Variants in DOCK3 observed in about 807,000 individuals in gnomAD.
DOCK3 encodes the protein dedicator of cytokinesis 3.
DOCK3 carries 60 observed loss-of-function variants against 265.6 expected under a neutral mutation model. That is an observed-to-expected ratio of 0.23 (90% confidence interval 0.18 to 0.28). The LOEUF (loss-of-function observed/expected upper bound fraction) is 0.28, where lower values mean the gene tolerates loss of function less well. DOCK3 is among the 10% of genes least tolerant of loss of function. The probability of loss-of-function intolerance (pLI) is 1.00; values close to 1 mark genes in which losing one functional copy is unlikely to be tolerated. For synonymous variants in DOCK3, 881 were observed against 938.0 expected, an observed-to-expected ratio of 0.94 and a Z score of 1.11; for missense variants, 1,981 against 2,594.3, an observed-to-expected ratio of 0.76 and a Z score of 5.14.
intron 3 of DOCK3, among the ~76,000 whole-genome samples, chr3:50,869,986 C>T (rs1198765928): frequency 2.6e-5 from 4 of 151,962 alleles, no homozygotes; most frequent in Non-Finnish European, 5.9e-5. Context: ...AAAGAAGATG[C>T]TTAATATTGT....
At chr3:51,078,650 T>C (rs2082129601) in intron 7 of DOCK3, among the ~76,000 whole-genome samples, 1 of 152,182 alleles carries the variant, frequency 6.6e-6, no homozygotes, top group African/African-American at 2.4e-5. Context: ...TCTGAGGGAA[T>C]ATAACATTCA....
chr3:50,750,498 T>A lies in DOCK3; in HGVS notation c.38-28177T>A, dbSNP rs188497500. Among the ~76,000 whole-genome samples the A allele has an allele frequency of 8.6e-5, 13 of 151,940 alleles. No individual in the cohort carries two copies. In the East Asian group the frequency reaches 2.3e-3, roughly 27 times the overall value. ...GCGCCTGCCACCACGCCCAGCTAAT[T>A]TTTGTATTTTTAGTAGAGACGGGGT... On this transcript the variant is annotated intron_variant, in intron 1 of 52. Transcript: ENST00000266037.
intron 5 of DOCK3, among the ~76,000 whole-genome samples, chr3:50,944,133 T>A (rs931709453): frequency 1.3e-5 from 2 of 152,214 alleles, no homozygotes; most frequent in African/African-American, 4.8e-5. Context: ...ATGGACACAA[T>A]GAAATGGACT....
At chr3:50,913,016 G>T (rs1365850820) in intron 4 of DOCK3, among the ~76,000 whole-genome samples, 1 of 152,040 alleles carries the variant, frequency 6.6e-6, no homozygotes, top group African/African-American at 2.4e-5. Context: ...TTTCTCAAGC[G>T]GAAGTCTTGC....
At chr3:51,141,175 A>T (rs2085044450) in intron 9 of DOCK3, among the ~76,000 whole-genome samples, 1 of 127,792 alleles carries the variant, frequency 7.8e-6, no homozygotes, top group Non-Finnish European at 1.6e-5. Context: ...ATGAGAATTT[A>T]TACCTATATT....
intron 5 of DOCK3, among the ~76,000 whole-genome samples, chr3:51,029,523 CAG>C (rs754751775): frequency 2.6e-5 from 4 of 152,306 alleles, no homozygotes; most frequent in South Asian, 2.1e-4. Flanking sequence ...GGGAGGGGAA[CAG>C]GGGGAAAGAG....
chr3:51,354,805 G>GTAGC, intron 40 of DOCK3, 77 bp from the exon 41 acceptor site: 1 of 1,559,334 alleles, frequency 6.4e-7, no homozygotes, highest in East Asian at 2.3e-5. Context: ...TGTGCTATAT[G>GTAGC]TAGCTACTGA....
chr3:50,910,829 C>G (rs576877861), intron 4 of DOCK3, among the ~76,000 whole-genome samples: 1 of 152,252 alleles, frequency 6.6e-6, no homozygotes, highest in Admixed American at 6.5e-5. Context: ...TTCAATGCTT[C>G]TTTCCTTGAT....
intron 1 of DOCK3, among the ~76,000 whole-genome samples, chr3:50,691,577 A>G (rs1016707551): frequency 6.6e-6 from 1 of 152,200 alleles, no homozygotes; most frequent in Admixed American, 6.6e-5. Context: ...TTGGGTATAT[A>G]CCAAGAAGTG....
chr3:51,266,837 T>G (rs1560315953), intron 23 of DOCK3, among the ~76,000 whole-genome samples: 1 of 152,092 alleles, frequency 6.6e-6, no homozygotes, highest in Non-Finnish European at 1.5e-5. Flanking sequence ...GGAATCTGAT[T>G]AAACTAAAGA....
At position 51,016,548 on chromosome 3, in the gene DOCK3, T is replaced by TCTATATAATATATG. The variant is rs1559944058; in HGVS notation, c.316-47900_316-47899insCTATATAATATATG. Reference sequence around the variant, plus strand: ...CTATATAATATATGATATATATATTTATATATATCATATATTATATATATA... The same window carrying TCTATATAATATATG: ...CTATATAATATATGATATATATATTTCTATATAATATATGATATATATCATATATTATATATATA... On this transcript the variant is annotated intron_variant, in intron 5 of 52. Coordinates refer to ENST00000266037, the MANE Select transcript of DOCK3 (RefSeq NM_004947.5). Among the ~76,000 whole-genome samples the TCTATATAATATATG allele has an allele frequency of 7.4e-3, 118 of 15,880 alleles. 8 individuals carry two copies. Among genetic ancestry groups the TCTATATAATATATG allele is most frequent in the African/African-American group, 0.057 (108 of 1,894 alleles). The allele number at this position is 15,880 out of a possible 152,430, so 10.4% of individuals were successfully genotyped here. A position where few individuals can be genotyped will look rare whatever the true frequency, so the allele number is the denominator to read the frequency against.
rs769101365 is a variant in DOCK3, at chr3:51,360,544, T to C, written c.4918T>C (p.Cys1640Arg). 3 of 1,612,904 alleles carry C rather than the reference T, an allele frequency of 1.9e-6. No individual in the cohort carries two copies. The highest frequency in any genetic ancestry group is 1.7e-6 in the Non-Finnish European group (2 of 1,179,456). The change falls in exon 47 of 53, where the codon TGT becomes CGT. Residue 1640 changes from cysteine to arginine, a missense_variant. Around this residue, in one of 4 missense-constraint regions of DOCK3, gnomAD observed 1,357 missense variants for 1,866.8 expected, o/e 0.73. Coordinates refer to ENST00000266037, the MANE Select transcript of DOCK3 (RefSeq NM_004947.5). ...AGGTTTGGATAAGCTAAGTCCTGCA[T>C]GTTCAGGCACCAGCACCCCACGGGG... ...FPGLDKLSPA[C>R]SGTSTPRGNV...
At chr3:51,030,216 C>T (rs1360400519) in intron 5 of DOCK3, among the ~76,000 whole-genome samples, 1 of 152,170 alleles carries the variant, frequency 6.6e-6, no homozygotes, top group African/African-American at 2.4e-5. Flanking sequence ...TCACTAATAA[C>T]TTTGATCTTT....
intron 13 of DOCK3, among the ~76,000 whole-genome samples, chr3:51,210,061 T>G (rs1302423331): frequency 6.6e-6 from 1 of 152,198 alleles, no homozygotes; most frequent in African/African-American, 2.4e-5. Context: ...GTCATGTTCT[T>G]TGGTTTATTT....
chr3:50,786,817 G>T, intron 2 of DOCK3: 1 of 741,506 alleles, frequency 1.3e-6, no homozygotes, highest in South Asian at 1.4e-5. Context: ...TCATGTGGGT[G>T]TGTAGCTGGT....
chr3:50,868,977 CTT>C (rs71633040), intron 3 of DOCK3, among the ~76,000 whole-genome samples: 20 of 73,556 alleles, frequency 2.7e-4, no homozygotes, highest in South Asian at 5.0e-4. Context: ...AAAACCAACT[CTT>C]TTTTTTTTTT....
Position 51,208,807 on chromosome 3 carries a change from C to T in DOCK3, c.1071C>T (p.His357=), listed in dbSNP as rs898614386. The T allele has an allele frequency of 7.4e-6, 12 of 1,611,890 alleles. No homozygotes were observed. The highest frequency in any genetic ancestry group is 4.0e-5 in the African/African-American group (3 of 74,886). The change falls in exon 13 of 53, where the codon CAC becomes CAT. Residue 357 remains histidine (H), a synonymous_variant. Transcript: ENST00000266037. ...ACGAGAGTGAGTGGTCCCAGATCCA[C>T]GAGAACATCATCCGAAAGTCCAGTG... ...CNNESEWSQI[H]ENIIRKSSAK... is the part of the protein sequence containing the mutation.
intron 12 of DOCK3, among the ~76,000 whole-genome samples, chr3:51,180,523 T>C (rs1022399450): frequency 6.6e-6 from 1 of 152,154 alleles, no homozygotes; most frequent in East Asian, 1.9e-4. Flanking sequence ...ATCACTCCTG[T>C]CTGCTTCTTT....
intron 4 of DOCK3, among the ~76,000 whole-genome samples, chr3:50,905,322 G>A (rs2049425948): frequency 6.6e-6 from 1 of 151,866 alleles, no homozygotes; most frequent in African/African-American, 2.4e-5. Flanking sequence ...GCTTGATGGG[G>A]ACAGCATTGA....
Sources: gnomAD v4.1 joint callset for allele counts (sites outside exome capture counted in the v4.1 genomes callset) on GRCh38, gnomAD v4.1.1 for gene constraint, gnomAD v4.1.1 regional missense constraint, MANE v1.5 for transcripts, NCBI Gene and HGNC (gene_info 2026-07-23, HGNC 2026-07-21) for gene names.